PLEKHH2: variants seen among roughly 807,000 people sequenced by gnomAD.
PLEKHH2 encodes pleckstrin homology, MyTH4 and FERM domain containing H2.
A neutral mutation model predicts 187.9 loss-of-function variants in PLEKHH2; 129 were observed. That is an observed-to-expected ratio of 0.69 (90% CI 0.59 to 0.79). The LOEUF (loss-of-function observed/expected upper bound fraction) is 0.79, where lower values mean the gene tolerates loss of function less well. Ranked by LOEUF, PLEKHH2 falls within the 30% of genes least tolerant of loss-of-function variation. The probability of loss-of-function intolerance (pLI) is 0.00; values close to 1 mark genes in which losing one functional copy is unlikely to be tolerated. For missense variants in PLEKHH2, 2,076 were observed against 1,751.2 expected (o/e 1.19, Z -3.31); for synonymous variants, 686 against 605.6 (o/e 1.13, Z -1.95).
chr2:43,713,127 T>C (rs975974), intron 15 of PLEKHH2, among the ~76,000 whole-genome samples: 27,477 of 138,976 alleles, frequency 0.2, 2,933 homozygotes, highest in Non-Finnish European at 0.24. Context: ...CGCATATATA[T>C]CTCCTTTGAT....
chr2:43,651,486 G>A (rs1161144741), intron 2 of PLEKHH2, among the ~76,000 whole-genome samples: 1 of 152,136 alleles, frequency 6.6e-6, no homozygotes, highest in African/African-American at 2.4e-5. Context: ...ATGCTTTTAA[G>A]TTACAGATAA....
At chr2:43,757,320 TATTTTTGTGTTCAA>T in intron 26 of PLEKHH2, 56 bp downstream of exon 26, 2 of 1,296,448 alleles carry the variant, frequency 1.5e-6, no homozygotes, top group Non-Finnish European at 2.0e-6. Context: ...TTTTTGGTAA[TATTTTTGTGTTCAA>T]ATTTTAAAGG....
rs1251394987 is a variant in PLEKHH2, at chr2:43,699,640, T to C, written c.689-7T>C. The C allele has an allele frequency of 5.6e-6, 9 of 1,609,330 alleles. No individual in the cohort carries two copies. The highest frequency in any genetic ancestry group is 1.7e-4 in the Middle Eastern group (1 of 6,016). On this transcript the variant is annotated splice_region_variant and splice_polypyrimidine_tract_variant and intron_variant, in intron 7 of 29. Transcript: ENST00000282406. Reference sequence around the variant, plus strand: ...GCAGCATGCTGATATGATGTATCCTTTTCTAGAAATGGAAATTCCAGAAAA... The same window carrying C: ...GCAGCATGCTGATATGATGTATCCTCTTCTAGAAATGGAAATTCCAGAAAA...
intron 15 of PLEKHH2, among the ~76,000 whole-genome samples, chr2:43,719,430 T>A (rs2104540816): frequency 6.6e-6 from 1 of 152,284 alleles, no homozygotes; most frequent in South Asian, 2.1e-4. Flanking sequence ...TTCTTCAGGT[T>A]TTCATCTTCT....
At chr2:43,707,325 A>C in intron 10 of PLEKHH2, 76 bp from the exon 11 acceptor site, 1 of 1,563,382 alleles carries the variant, frequency 6.4e-7, no homozygotes. Context: ...AGGCGACCCT[A>C]ATAACTAGCA....
chr2:43,646,203 T>G (rs1340452836), intron 2 of PLEKHH2, among the ~76,000 whole-genome samples: 2 of 152,194 alleles, frequency 1.3e-5, no homozygotes, highest in African/African-American at 4.8e-5. Flanking sequence ...AATCCCAGTT[T>G]GAGTATCTCC....
chr2:43,645,265 A>G (rs1666130331), intron 2 of PLEKHH2, among the ~76,000 whole-genome samples: 1 of 152,164 alleles, frequency 6.6e-6, no homozygotes, highest in Admixed American at 6.5e-5. Flanking sequence ...GTTTAAAATA[A>G]TTATATGCTT....
At chr2:43,682,474 T>C (rs1572546960) in intron 3 of PLEKHH2, among the ~76,000 whole-genome samples, 3 of 148,416 alleles carry the variant, frequency 2.0e-5, no homozygotes, top group East Asian at 3.9e-4. Flanking sequence ...GCCTGGCTAA[T>C]TTTTTGTATT....
chr2:43,733,612 G>T (rs1671151724), intron 19 of PLEKHH2, among the ~76,000 whole-genome samples: 1 of 152,076 alleles, frequency 6.6e-6, no homozygotes, highest in South Asian at 2.1e-4. Flanking sequence ...TATTTGTGGG[G>T]TCATGGATGG....
intron 2 of PLEKHH2, among the ~76,000 whole-genome samples, chr2:43,658,184 T>C (rs1220861658): frequency 6.6e-6 from 1 of 152,236 alleles, no homozygotes; most frequent in African/African-American, 2.4e-5. Flanking sequence ...AGCATAATTG[T>C]GCTATTCCTA....
chr2:43,710,604 T>TTTTTTTTTTTTTTTTTTTTTTTTTTTTA, intron 14 of PLEKHH2, 29 bp downstream of exon 14: 1 of 1,554,030 alleles, frequency 6.4e-7, no homozygotes, highest in Non-Finnish European at 8.7e-7. Flanking sequence ...TTTTTTTTTT[T>TTTTTTTTTTTTTTTTTTTTTTTTTTTTA]TTTTGTATCA....
At chr2:43,734,104 C>A (rs1170198307) in intron 19 of PLEKHH2, among the ~76,000 whole-genome samples, 1 of 152,096 alleles carries the variant, frequency 6.6e-6, no homozygotes, top group Non-Finnish European at 1.5e-5. Flanking sequence ...TTACTTTTTA[C>A]TTGGGACAAT....
rs1299120576 is a variant in PLEKHH2 at position 43,716,409 on chromosome 2, A to G, written c.2460+4026A>G. ...TTAATGAACATTATTCCGTACGACA[A>G]TGTTATTTACTAAGAGTGGGGAAAA... is the stretch of plus-strand genomic sequence containing the variant. On this transcript the variant is annotated intron_variant, in intron 15 of 29. Coordinates refer to ENST00000282406, the MANE Select transcript of PLEKHH2 (RefSeq NM_172069.4). 2.0e-5 allele frequency among the ~76,000 whole-genome samples: 3 copies of G among 152,186 alleles called. No homozygotes were observed. The East Asian group carries it at 5.8e-4, about 29-fold the overall frequency.
chr2:43,637,816 C>T (rs1032386213), intron 1 of PLEKHH2, among the ~76,000 whole-genome samples: 2 of 152,144 alleles, frequency 1.3e-5, no homozygotes, highest in Non-Finnish European at 2.9e-5. Flanking sequence ...ATCTCCGGGG[C>T]GAAACTTTAA....
intron 15 of PLEKHH2, 87 bp downstream of exon 15, chr2:43,712,470 A>G: frequency 1.4e-6 from 2 of 1,403,816 alleles, no homozygotes; most frequent in Non-Finnish European, 1.9e-6. Flanking sequence ...GAGCATATAC[A>G]TATATTGAAT....
intron 19 of PLEKHH2, 87 bp from the exon 20 acceptor site, chr2:43,738,254 T>G (rs1671391402): frequency 8.7e-7 from 1 of 1,144,824 alleles, no homozygotes; most frequent in African/African-American, 1.5e-5. Flanking sequence ...AAACAAAAAC[T>G]ACTGCTGAAA....
intron 16 of PLEKHH2, among the ~76,000 whole-genome samples, chr2:43,723,864 G>A (rs77462880): frequency 2.6e-5 from 4 of 152,232 alleles, no homozygotes; most frequent in East Asian, 1.9e-4. Context: ...AGAATAGACC[G>A]GAGGGAATAA....
In PLEKHH2 at chr2:43,762,368, G is replaced by T. The variant is rs750000586; in HGVS notation, c.4136G>T (p.Ser1379Ile). The T allele has an allele frequency of 1.6e-5, 26 of 1,611,676 alleles. No homozygotes were observed. In the Admixed American group the frequency reaches 4.2e-4, roughly 26 times the overall value. Residue 1379 changes from serine to isoleucine, a missense_variant, in exon 28 of 30, where the codon AGC becomes ATC. Physicochemically the swap from Ser to Ile is moderately radical, Grantham distance 142. Transcript: ENST00000282406. ...LWLAVHEDGL[S>I]LLEYNSMRLI... ...CTGGCTGTACATGAGGATGGTTTAAGCCTCTTAGAATACAACTCCATGGTA... is the reference window on the plus strand; with the variant it reads ...CTGGCTGTACATGAGGATGGTTTAATCCTCTTAGAATACAACTCCATGGTA...
At chr2:43,723,454 T>A (rs1670585346) in intron 16 of PLEKHH2, among the ~76,000 whole-genome samples, 1 of 151,776 alleles carries the variant, frequency 6.6e-6, no homozygotes, top group South Asian at 2.1e-4. Context: ...TGGGCTGGGG[T>A]AGTTACTTGG....
Sources: allele counts gnomAD v4.1 joint callset (sites outside exome capture counted in the v4.1 genomes callset), GRCh38; gene constraint gnomAD v4.1.1; transcripts MANE v1.5; gene names NCBI Gene and HGNC (gene_info 2026-07-23, HGNC 2026-07-21).